Variants in EEPD1 observed in about 807,000 individuals in gnomAD.
EEPD1 encodes the protein endonuclease/exonuclease/phosphatase family domain containing 1.
A neutral mutation model predicts 46.3 loss-of-function variants in EEPD1; 17 were observed. That is an observed-to-expected ratio of 0.37 (90% CI 0.25 to 0.55). The LOEUF (loss-of-function observed/expected upper bound fraction) is 0.55, where lower values mean the gene tolerates loss of function less well. Among genes scored for constraint, EEPD1 ranks in the 20% least tolerant of loss-of-function variants. The pLI is 0.83. For synonymous variants in EEPD1, 313 were observed against 315.6 expected (o/e 0.99, Z 0.09); for missense variants, 673 against 745.6 (o/e 0.90, Z 1.13).
Position 36,285,287 on chromosome 7 carries a change from C to T in EEPD1, c.1176+467C>T, listed in dbSNP as rs183907859. Among the ~76,000 whole-genome samples the T allele has an allele frequency of 1.9e-3, 286 of 152,340 alleles. 1 individual carries two copies. The highest frequency in any genetic ancestry group is 6.5e-3 in the African/African-American group (272 of 41,588). ...ATGGCTGGATTCAAGGGCAGCAGAA[C>T]TGGCCTGAGGAGCCCCTTCTTATCG... On this transcript the variant is annotated intron_variant, in intron 5 of 7. Coordinates refer to ENST00000242108, the MANE Select transcript of EEPD1 (RefSeq NM_030636.3).
intron 6 of EEPD1, among the ~76,000 whole-genome samples, 184 bp from the exon 7 acceptor site, chr7:36,296,809 A>G (rs1488015315): frequency 6.7e-6 from 1 of 148,924 alleles, no homozygotes; most frequent in Admixed American, 6.9e-5. Context: ...CTTACTCTTA[A>G]TATTGGTGGC....
In EEPD1 at chr7:36,235,420, C is replaced by T. The variant is rs754716899; in HGVS notation, c.879-3565C>T. Among the ~76,000 whole-genome samples the T allele has an allele frequency of 3.0e-4, 46 of 152,282 alleles. 1 individual carries two copies. Among genetic ancestry groups the T allele is most frequent in the Non-Finnish European group, 5.7e-4 (39 of 68,052 alleles). On this transcript the variant is annotated intron_variant, in intron 2 of 7. Coordinates refer to ENST00000242108, the MANE Select transcript of EEPD1 (RefSeq NM_030636.3). ...CTAGTCATCTCTGCCCTTGGAGCCTCTATAGACCTCCTCTGTGATCGCCTT... is the reference window on the plus strand; with the variant it reads ...CTAGTCATCTCTGCCCTTGGAGCCTTTATAGACCTCCTCTGTGATCGCCTT...
chr7:36,198,342 G>GAAAAAAAAA (rs1361024411), intron 2 of EEPD1, among the ~76,000 whole-genome samples: 4 of 33,080 alleles, frequency 1.2e-4, no homozygotes, highest in Admixed American at 4.2e-4. Context: ...AAAAAGAAAA[G>GAAAAAAAAA]AAAAAAAAAA....
At chr7:36,284,896 A>C (rs1787320654) in intron 5 of EEPD1, 76 bp downstream of exon 5, 1 of 1,409,878 alleles carries the variant, frequency 7.1e-7, no homozygotes, top group African/African-American at 1.5e-5. Flanking sequence ...ATTTTGTAAT[A>C]GCATGAGTAA....
chr7:36,262,957 A>T (rs1383754009), intron 3 of EEPD1, among the ~76,000 whole-genome samples: 1 of 152,122 alleles, frequency 6.6e-6, no homozygotes, highest in African/African-American at 2.4e-5. Flanking sequence ...TGTATGGGGT[A>T]GGGGAGGGCT....
intron 2 of EEPD1, among the ~76,000 whole-genome samples, chr7:36,197,715 GCATGCTCGTTAAGAGTCAT>G (rs1301498882): frequency 6.6e-6 from 1 of 151,976 alleles, no homozygotes; most frequent in Non-Finnish European, 1.5e-5. Flanking sequence ...CTTGAAGGCA[GCATGCTCGTTAAGAGTCAT>G]CACCACTCCC....
intron 4 of EEPD1, 106 bp downstream of exon 4, chr7:36,281,331 A>G (rs1206475738): frequency 9.9e-6 from 10 of 1,006,276 alleles, no homozygotes; most frequent in African/African-American, 3.2e-5. Context: ...CCCCGGTTCA[A>G]TTTTGTATTT....
chr7:36,171,177 C>T (rs915017377), intron 2 of EEPD1, among the ~76,000 whole-genome samples: 3 of 152,300 alleles, frequency 2.0e-5, no homozygotes, highest in African/African-American at 7.2e-5. Context: ...CCCACCTTGG[C>T]CTCCCAAAGT....
At chr7:36,200,532 G>C (rs905496339) in intron 2 of EEPD1, among the ~76,000 whole-genome samples, 3 of 152,192 alleles carry the variant, frequency 2.0e-5, no homozygotes, top group Admixed American at 6.5e-5. Flanking sequence ...CTTAAGCTAA[G>C]AGGCCAATTC....
chr7:36,237,202 G>C (rs779379073), intron 2 of EEPD1, among the ~76,000 whole-genome samples: 1 of 152,138 alleles, frequency 6.6e-6, no homozygotes, highest in Non-Finnish European at 1.5e-5. Context: ...AAGAAACTCC[G>C]AACACGTCCA....
At chr7:36,211,389 C>T (rs1459583967) in intron 2 of EEPD1, among the ~76,000 whole-genome samples, 9 of 151,954 alleles carry the variant, frequency 5.9e-5, no homozygotes, top group South Asian at 4.2e-4. Flanking sequence ...GGTGAAGCAG[C>T]GGCACAAATT....
intron 2 of EEPD1, among the ~76,000 whole-genome samples, chr7:36,227,080 G>T (rs571485093): frequency 6.6e-6 from 1 of 152,096 alleles, no homozygotes; most frequent in Non-Finnish European, 1.5e-5. Context: ...GGGAGGGGGG[G>T]TGGCCAGAAA....
At chr7:36,235,895 A>G (rs990067251) in intron 2 of EEPD1, among the ~76,000 whole-genome samples, 2 of 151,440 alleles carry the variant, frequency 1.3e-5, no homozygotes, top group Non-Finnish European at 2.9e-5. Flanking sequence ...TTGTTGTATA[A>G]TCATCACCAA....
intron 2 of EEPD1, among the ~76,000 whole-genome samples, chr7:36,201,232 G>A (rs1452674011): frequency 1.3e-5 from 2 of 152,122 alleles, no homozygotes; most frequent in South Asian, 2.1e-4. Flanking sequence ...AACTAAATAC[G>A]CTGTTGGGAC....
At chr7:36,269,186 G>A (rs1787066109) in intron 3 of EEPD1, among the ~76,000 whole-genome samples, 2 of 152,086 alleles carry the variant, frequency 1.3e-5, no homozygotes, top group African/African-American at 2.4e-5. Context: ...AGGACTTCAC[G>A]CGCTCCTCAA....
intron 3 of EEPD1, among the ~76,000 whole-genome samples, chr7:36,266,621 A>G (rs1160137863): frequency 1.3e-5 from 2 of 152,248 alleles, no homozygotes; most frequent in Non-Finnish European, 2.9e-5. Flanking sequence ...AAAGTAAACA[A>G]TTCAGCGGCA....
At chr7:36,246,972 A>G (rs1786650867) in intron 3 of EEPD1, among the ~76,000 whole-genome samples, 1 of 152,032 alleles carries the variant, frequency 6.6e-6, no homozygotes, top group African/African-American at 2.4e-5. Context: ...CCAAAAATAC[A>G]AAAATTAGCC....
chr7:36,246,692 T>TG (rs892439913), intron 3 of EEPD1, among the ~76,000 whole-genome samples: 4 of 149,086 alleles, frequency 2.7e-5, no homozygotes, highest in Non-Finnish European at 4.5e-5. Flanking sequence ...CTGATAGGTG[T>TG]TTTTTTTTTA....
Position 36,154,964 on chromosome 7 carries a change from A to G in EEPD1, c.640A>G (p.Thr214Ala). ...CCACACGAACGGGGGACTGACCTTC[A>G]CCGCCAAGCCTCACCCGAGCCCCAC... ...STHTNGGLTF[T>A]AKPHPSPTSL... Residue 214 changes from threonine (T) to alanine (A), a missense_variant, in exon 2 of 8, where the codon ACC (threonine) becomes GCC (alanine). Thr to Ala is a moderately conservative substitution (Grantham distance 58, BLOSUM62 0). Coordinates refer to ENST00000242108, the MANE Select transcript of EEPD1 (RefSeq NM_030636.3). The surrounding 1 kb of genome is among the most constrained non-coding windows in gnomAD (Gnocchi z 4.2). The G allele has an allele frequency of 6.2e-7, 1 of 1,613,672 alleles. No individual in the cohort carries two copies. Among genetic ancestry groups the G allele is most frequent in the Non-Finnish European group, 8.5e-7 (1 of 1,179,928 alleles).
Sources: allele counts gnomAD v4.1 joint callset (sites outside exome capture counted in the v4.1 genomes callset), GRCh38; gene constraint gnomAD v4.1.1; non-coding constraint Gnocchi (gnomAD v3.1); transcripts MANE v1.5; gene names NCBI Gene and HGNC (gene_info 2026-07-23, HGNC 2026-07-21).